Variants in PCCA observed in about 807,000 individuals in gnomAD.
The protein encoded by PCCA is propionyl-CoA carboxylase alpha chain, mitochondrial.
PCCA carries 74 observed loss-of-function variants against 101.3 expected under a neutral mutation model. That is an observed-to-expected ratio of 0.73 (90% CI 0.61 to 0.89). PCCA has a LOEUF of 0.89. Ranked by LOEUF, PCCA falls within the 40% of genes least tolerant of loss-of-function variation. The pLI, the probability that PCCA is intolerant of heterozygous loss-of-function variation, is 0.00. For synonymous variants in PCCA, 294 were observed against 313.6 expected (o/e 0.94, Z 0.66); for missense variants, 891 against 907.0 (o/e 0.98, Z 0.23).
At chr13:100,399,741 G>C in intron 19 of PCCA, among the ~76,000 whole-genome samples, 1 of 152,198 alleles carries the variant, frequency 6.6e-6, no homozygotes, top group Admixed American at 6.5e-5. Flanking sequence ...CAGACTAACA[G>C]GAACACTTTA....
intron 18 of PCCA, among the ~76,000 whole-genome samples, chr13:100,366,038 A>AGTAGGTTAAGGC: frequency 1.3e-5 from 2 of 152,158 alleles, no homozygotes; most frequent in Non-Finnish European, 2.9e-5. Flanking sequence ...TAAGGCATTG[A>AGTAGGTTAAGGC]ATGGTAGTTA....
intron 16 of PCCA, among the ~76,000 whole-genome samples, chr13:100,310,689 C>T (rs1280237416): frequency 6.6e-6 from 1 of 152,120 alleles, no homozygotes; most frequent in African/African-American, 2.4e-5. Context: ...AACATTTTCC[C>T]ACTAATTTGC....
intron 8 of PCCA, among the ~76,000 whole-genome samples, chr13:100,256,180 T>C (rs2062061564): frequency 6.6e-6 from 1 of 152,224 alleles, no homozygotes; most frequent in Admixed American, 6.5e-5. Flanking sequence ...CTAAGTTTTG[T>C]ATTTTTAGTA....
chr13:100,467,662 G>A (rs182863654), intron 21 of PCCA, among the ~76,000 whole-genome samples: 14 of 152,300 alleles, frequency 9.2e-5, no homozygotes, highest in Admixed American at 4.6e-4. Flanking sequence ...GAGCCACCGC[G>A]CCTGGCATCA....
At chr13:100,217,434 A>G (rs1053273315) in intron 7 of PCCA, among the ~76,000 whole-genome samples, 2 of 143,730 alleles carry the variant, frequency 1.4e-5, no homozygotes, top group African/African-American at 5.1e-5. Context: ...ACAGAGCGAG[A>G]CTCCATCTCA....
chr13:100,525,129 G>T (rs1230249658), intron 22 of PCCA, among the ~76,000 whole-genome samples: 3 of 146,774 alleles, frequency 2.0e-5, no homozygotes, highest in Non-Finnish European at 2.9e-5. Flanking sequence ...ATGAAAGGCG[G>T]ATGGAGCAGG....
intron 21 of PCCA, among the ~76,000 whole-genome samples, chr13:100,459,244 C>A (rs891214029): frequency 6.6e-6 from 1 of 152,082 alleles, no homozygotes; most frequent in Non-Finnish European, 1.5e-5. Flanking sequence ...CTGCAAAGAC[C>A]CTATTTCCAA....
At position 100,458,423 on chromosome 13, in the gene PCCA, GCACACA is replaced by G. The variant is rs143067653; in HGVS notation, c.1899+9129_1899+9134del. Among the ~76,000 whole-genome samples, 14 of 89,682 alleles carry G rather than the reference GCACACA, an allele frequency of 1.6e-4. 1 individual carries two copies. The highest frequency in any genetic ancestry group is 9.9e-4 in the Admixed American group (9 of 9,096). 58.8% of individuals were successfully genotyped at this position (89,682 alleles called of 152,430 possible). On this transcript the variant is annotated intron_variant, in intron 21 of 23. Transcript: ENST00000376285. ...ACACAGTGGGACCCCATCTCTGCGC[GCACACA>G]CACACACACATACACACACACACAC...
chr13:100,387,334 A>G (rs548444166), intron 19 of PCCA, among the ~76,000 whole-genome samples: 2 of 152,306 alleles, frequency 1.3e-5, no homozygotes, highest in East Asian at 3.9e-4. Context: ...ACCCAGAGAG[A>G]TTACTGTGAA....
At chr13:100,242,738 A>G (rs2061218871) in intron 8 of PCCA, among the ~76,000 whole-genome samples, 1 of 152,188 alleles carries the variant, frequency 6.6e-6, no homozygotes, top group African/African-American at 2.4e-5. Context: ...ACTTAGTTTG[A>G]TATAGAAATA....
chr13:100,310,977 C>T (rs1364869935), intron 16 of PCCA, among the ~76,000 whole-genome samples: 3 of 151,946 alleles, frequency 2.0e-5, no homozygotes, highest in Non-Finnish European at 2.9e-5. Context: ...GGCTCACACC[C>T]GTAATCCTAG....
chr13:100,414,815 T>G (rs8002078), intron 19 of PCCA, among the ~76,000 whole-genome samples: 5,136 of 152,272 alleles, frequency 0.034, 295 homozygotes, highest in African/African-American at 0.12. Flanking sequence ...TACTTTTTGT[T>G]AGCAGTAGTT....
intron 6 of PCCA, among the ~76,000 whole-genome samples, chr13:100,176,037 G>A (rs1213142529): frequency 6.6e-6 from 1 of 152,222 alleles, no homozygotes; most frequent in Non-Finnish European, 1.5e-5. Context: ...GAAGCAAAGG[G>A]CTTGATAGGC....
At chr13:100,337,884 G>A (rs2070739921) in intron 17 of PCCA, among the ~76,000 whole-genome samples, 2 of 152,158 alleles carry the variant, frequency 1.3e-5, no homozygotes. Context: ...TCCTGACATA[G>A]TATGCACATA....
chr13:100,509,847 T>TTTTGTTTTG (rs1555326226), intron 21 of PCCA, among the ~76,000 whole-genome samples: 248 of 152,182 alleles, frequency 1.6e-3, no homozygotes, highest in Non-Finnish European at 2.9e-3. Flanking sequence ...TTTTGTTTTG[T>TTTTGTTTTG]TTTGTTTTGT....
chr13:100,141,250 T>C (rs146812684), intron 4 of PCCA, among the ~76,000 whole-genome samples: 20 of 152,360 alleles, frequency 1.3e-4, no homozygotes, highest in African/African-American at 4.6e-4. Flanking sequence ...CACAGATTTC[T>C]ATACTGGCAC....
chr13:100,221,947 G>A (rs1310090278), intron 7 of PCCA, among the ~76,000 whole-genome samples: 2 of 151,864 alleles, frequency 1.3e-5, no homozygotes, highest in Non-Finnish European at 2.9e-5. Context: ...ATATTGGCCA[G>A]GCTGGTCTCA....
intron 21 of PCCA, among the ~76,000 whole-genome samples, chr13:100,477,152 G>A (rs752486823): frequency 4.6e-5 from 7 of 152,036 alleles, no homozygotes; most frequent in East Asian, 3.9e-4. Flanking sequence ...ACGCTCTCTC[G>A]GCACAGTTTC....
At chr13:100,441,660 G>T (rs2080376965) in intron 20 of PCCA, among the ~76,000 whole-genome samples, 1 of 152,140 alleles carries the variant, frequency 6.6e-6, no homozygotes, top group African/African-American at 2.4e-5. Flanking sequence ...TGGCTTTGGA[G>T]TGCCATTTAA....
Sources: allele counts gnomAD v4.1 joint callset (sites outside exome capture counted in the v4.1 genomes callset), GRCh38; gene constraint gnomAD v4.1.1; transcripts MANE v1.5; gene names NCBI Gene and HGNC (gene_info 2026-07-23, HGNC 2026-07-21).